Variants in COX7B2 observed in about 807,000 individuals in gnomAD.
The protein encoded by COX7B2 is cytochrome c oxidase subunit 7B2, also known as cytochrome c oxidase subunit 7B2, mitochondrial.
For synonymous variants in COX7B2, 37 were observed against 32.1 expected (o/e 1.15, Z -0.51); for missense variants, 109 against 95.9 (o/e 1.14, Z -0.57).
chr4:46,858,282 T>TG (rs1013126222), intron 1 of COX7B2, among the ~76,000 whole-genome samples: 5 of 151,928 alleles, frequency 3.3e-5, no homozygotes, highest in East Asian at 1.9e-4. Flanking sequence ...TTAGTAGAGA[T>TG]GGGGGGGTTC....
intron 2 of COX7B2, among the ~76,000 whole-genome samples, chr4:46,752,054 G>A (rs1715418291): frequency 6.6e-6 from 1 of 152,218 alleles, no homozygotes; most frequent in South Asian, 2.1e-4. Flanking sequence ...CCATGAGCAT[G>A]GAATATTCTT....
intron 2 of COX7B2, among the ~76,000 whole-genome samples, chr4:46,778,370 T>C (rs1402657507): frequency 1.3e-5 from 2 of 152,158 alleles, no homozygotes; most frequent in African/African-American, 2.4e-5. Flanking sequence ...GACAATAACA[T>C]GTAGTCAGCA....
chr4:46,875,877 A>G (rs1229128062), intron 1 of COX7B2, among the ~76,000 whole-genome samples: 4 of 151,994 alleles, frequency 2.6e-5, no homozygotes, highest in African/African-American at 4.8e-5. Context: ...GAACAACTGA[A>G]GTGTTATAAA....
intron 2 of COX7B2, among the ~76,000 whole-genome samples, chr4:46,803,065 T>C (rs181794937): frequency 6.6e-6 from 1 of 152,162 alleles, no homozygotes; most frequent in African/African-American, 2.4e-5. Context: ...CTGTGATAAA[T>C]ATTTTTATAT....
chr4:46,740,684 G>T (rs764928171), intron 2 of COX7B2, among the ~76,000 whole-genome samples: 7 of 151,898 alleles, frequency 4.6e-5, no homozygotes, highest in Admixed American at 2.0e-4. Flanking sequence ...ACTATTGATG[G>T]CAATGCTTAA....
chr4:46,803,294 C>T (rs1255316537), intron 2 of COX7B2, among the ~76,000 whole-genome samples: 4 of 152,102 alleles, frequency 2.6e-5, no homozygotes, highest in Non-Finnish European at 5.9e-5. Flanking sequence ...GAAAAAGATA[C>T]AATGTAAGCC....
intron 1 of COX7B2, among the ~76,000 whole-genome samples, chr4:46,873,898 C>T (rs1416678168): frequency 6.6e-6 from 1 of 152,086 alleles, no homozygotes; most frequent in South Asian, 2.1e-4. Context: ...TCAATTCCCA[C>T]CTATGAGTGA....
chr4:46,823,162 T>A (rs12505727), intron 2 of COX7B2, among the ~76,000 whole-genome samples: 54,915 of 151,816 alleles, frequency 0.36, 10,021 homozygotes, highest in South Asian at 0.48. Flanking sequence ...CCTGAAACAG[T>A]GGCCTCCAAG....
At chr4:46,843,842 T>C (rs1716097354) in intron 2 of COX7B2, among the ~76,000 whole-genome samples, 1 of 152,000 alleles carries the variant, frequency 6.6e-6, no homozygotes, top group Non-Finnish European at 1.5e-5. Context: ...GTGGTTTATA[T>C]TCCTAAAGGA....
At chr4:46,904,767 A>T (rs1361429355) in intron 1 of COX7B2, among the ~76,000 whole-genome samples, 1 of 152,208 alleles carries the variant, frequency 6.6e-6, no homozygotes, top group Non-Finnish European at 1.5e-5. Context: ...TGCAACGAGG[A>T]AAAGTTTTCC....
chr4:46,832,642 G>A (rs535831888), intron 2 of COX7B2, among the ~76,000 whole-genome samples: 1 of 152,122 alleles, frequency 6.6e-6, no homozygotes, highest in Admixed American at 6.5e-5. Flanking sequence ...CTAGAGGGAG[G>A]TGATTGGCGC....
Position 46,897,109 on chromosome 4 carries a change from C to T in COX7B2, c.-105+12051G>A, listed in dbSNP as rs572155620. Among the ~76,000 whole-genome samples, 33 of 152,160 alleles carry T rather than the reference C, an allele frequency of 2.2e-4. No individual in the cohort carries two copies. In the South Asian group the frequency reaches 6.8e-3, roughly 32 times the overall value. ...TGTTTTGTAGACTATGGCTGGCTTC[C>T]CAAATGTCCTATGTTAGCCTCACCC... On this transcript the variant is annotated intron_variant, in intron 1 of 2. Coordinates refer to ENST00000355591, the MANE Select transcript of COX7B2 (RefSeq NM_130902.3).
At chr4:46,766,116 C>A (rs115765773) in intron 2 of COX7B2, among the ~76,000 whole-genome samples, 1,669 of 152,242 alleles carry the variant, frequency 0.011, 19 homozygotes, top group Middle Eastern at 0.041. Context: ...AACATTAGAC[C>A]TGCTTTACTA....
chr4:46,857,513 G>A (rs1717071799), intron 1 of COX7B2, among the ~76,000 whole-genome samples: 1 of 152,188 alleles, frequency 6.6e-6, no homozygotes, highest in African/African-American at 2.4e-5. Context: ...CTTCAGTGGT[G>A]TCATGAGGGA....
chr4:46,793,749 C>A (rs1051775820), intron 2 of COX7B2, among the ~76,000 whole-genome samples: 1 of 152,140 alleles, frequency 6.6e-6, no homozygotes, highest in African/African-American at 2.4e-5. Context: ...GCAAGTTGAA[C>A]CCCCAGCCTC....
chr4:46,759,885 T>C (rs1433547786), intron 2 of COX7B2, among the ~76,000 whole-genome samples: 26 of 149,976 alleles, frequency 1.7e-4, no homozygotes, highest in Admixed American at 1.5e-3. Flanking sequence ...TCATATCTTA[T>C]ATAAGTTATA....
chr4:46,735,076 A>T lies in COX7B2; in HGVS notation c.117T>A (p.Gly39=), dbSNP rs1714279917. ...CAGTTCCACTGGCTAGCACAGCATT[A>T]CCATATTTATCATGAAAATCTGGTG... ...KHSPDFHDKY[G]NAVLASGTAF... is the part of the protein sequence containing the mutation. Residue 39 remains glycine (G), a synonymous_variant, in exon 3 of 3, where the codon GGT becomes GGA. Transcript: ENST00000355591. 2 of 1,613,940 alleles carry T rather than the reference A, an allele frequency of 1.2e-6. No individual in the cohort carries two copies. Among genetic ancestry groups the T allele is most frequent in the Non-Finnish European group, 1.7e-6 (2 of 1,179,988 alleles).
At chr4:46,752,622 G>A (rs1715462867) in intron 2 of COX7B2, among the ~76,000 whole-genome samples, 1 of 152,042 alleles carries the variant, frequency 6.6e-6, no homozygotes, top group Non-Finnish European at 1.5e-5. Context: ...AGAGTTTTTA[G>A]CATAAAGGGC....
intron 2 of COX7B2, among the ~76,000 whole-genome samples, chr4:46,804,310 G>A (rs551734122): frequency 1.3e-5 from 2 of 152,162 alleles, no homozygotes; most frequent in Non-Finnish European, 2.9e-5. Flanking sequence ...GTACGGAAAG[G>A]GACCCTACCA....
Sources: allele counts gnomAD v4.1 joint callset (sites outside exome capture counted in the v4.1 genomes callset), GRCh38; gene constraint gnomAD v4.1.1; transcripts MANE v1.5; gene names NCBI Gene and HGNC (gene_info 2026-07-23, HGNC 2026-07-21).